The following ORC2 variants were observed in gnomAD, a reference collection of about 807,000 sequenced individuals.
ORC2 encodes origin recognition complex subunit 2, also known as origin recognition complex protein 2 homolog.
In ORC2, 37 loss-of-function variants were observed where a neutral mutation model predicts 77.7. That is an observed-to-expected ratio of 0.48 (90% CI 0.37 to 0.63). The LOEUF is 0.63. Among genes scored for constraint, ORC2 ranks in the 20% least tolerant of loss-of-function variants. The pLI is 0.00. For synonymous variants in ORC2, 201 were observed against 229.5 expected (o/e 0.88, Z 1.12); for missense variants, 557 against 661.9 (o/e 0.84, Z 1.74).
intron 5 of ORC2, among the ~76,000 whole-genome samples, chr2:200,943,534 G>C (rs2041192873): frequency 2.6e-5 from 4 of 152,126 alleles, no homozygotes; most frequent in Admixed American, 2.6e-4. Context: ...CCTTTTCCAA[G>C]TTAACTCTCA....
intron 3 of ORC2, 97 bp from the exon 4 acceptor site, chr2:200,957,641 T>A: frequency 2.1e-6 from 2 of 942,940 alleles, no homozygotes; most frequent in Non-Finnish European, 2.9e-6. Flanking sequence ...TTGTCATTAC[T>A]TAAAAGCTGG....
At position 200,925,821 on chromosome 2, in the gene ORC2, T is replaced by C; in HGVS notation, c.1147+15A>G. 1 of 1,273,110 alleles carries C rather than the reference T, an allele frequency of 7.9e-7. No individual in the cohort carries two copies. Among genetic ancestry groups the C allele is most frequent in the Admixed American group, 1.8e-5 (1 of 56,910 alleles). The allele number at this position is 1,273,110 out of a possible 1,614,324, so 78.9% of individuals were successfully genotyped here. On this transcript the variant is annotated intron_variant, in intron 13 of 17. Transcript: ENST00000234296. ...AACTTTACTCTAAAACTACCGAGCA[T>C]CTACTTCATGTTACCTTCTTTAAAT...
At chr2:200,947,404 C>G (rs2041269697) in intron 5 of ORC2, among the ~76,000 whole-genome samples, 2 of 152,168 alleles carry the variant, frequency 1.3e-5, no homozygotes, top group Admixed American at 6.5e-5. Context: ...TATTCCTCAT[C>G]AGTGTCAACA....
chr2:200,917,523 AT>A (rs1211281937), intron 15 of ORC2, among the ~76,000 whole-genome samples: 1 of 152,214 alleles, frequency 6.6e-6, no homozygotes, highest in Admixed American at 6.6e-5. Flanking sequence ...TAAAATTAGC[AT>A]TTGAGGGTTA....
intron 11 of ORC2, among the ~76,000 whole-genome samples, chr2:200,929,595 G>A (rs1412738317): frequency 6.6e-6 from 1 of 151,928 alleles, no homozygotes; most frequent in Non-Finnish European, 1.5e-5. Context: ...TTTGAGACCA[G>A]CCTAGGCAAG....
intron 1 of ORC2, among the ~76,000 whole-genome samples, chr2:200,962,332 T>A (rs565423365): frequency 2.0e-5 from 3 of 152,342 alleles, no homozygotes; most frequent in Non-Finnish European, 4.4e-5. Context: ...AGTGTTAGCA[T>A]TGCACCAAGT....
chr2:200,911,098 C>G lies in ORC2; in HGVS notation c.*203G>C. ...TGAATGAAAGGCACATTTTCTCCAA[C>G]TTGAGGACCGCTGCATAGTACTAGA... is the stretch of plus-strand genomic sequence containing the variant. On this transcript the variant is annotated 3_prime_UTR_variant, in exon 18 of 18. Transcript: ENST00000234296. 1 of 440,248 alleles carries G rather than the reference C, an allele frequency of 2.3e-6. No homozygotes were observed. Among genetic ancestry groups the G allele is most frequent in the South Asian group, 4.5e-5 (1 of 22,108 alleles). The allele number at this position is 440,248 out of a possible 1,614,324, so 27.3% of individuals were successfully genotyped here.
chr2:200,926,210 T>C (rs1372267711), intron 12 of ORC2, among the ~76,000 whole-genome samples: 4 of 151,968 alleles, frequency 2.6e-5, no homozygotes, highest in Non-Finnish European at 5.9e-5. Context: ...CCCAAGAACA[T>C]GAGAAACATT....
At chr2:200,929,067 T>G (rs1184802233) in intron 11 of ORC2, among the ~76,000 whole-genome samples, 2 of 152,030 alleles carry the variant, frequency 1.3e-5, no homozygotes. Flanking sequence ...TTCTCCTGCC[T>G]CACCCTCCCA....
intron 16 of ORC2, 150 bp from the exon 17 acceptor site, chr2:200,913,563 CAAGT>C (rs2040588080): frequency 1.5e-6 from 2 of 1,339,924 alleles, no homozygotes; most frequent in Non-Finnish European, 1.9e-6. Flanking sequence ...AAAGAAGGAA[CAAGT>C]AAGTCATGAG....
chr2:200,952,038 T>C (rs1408821589), intron 4 of ORC2, among the ~76,000 whole-genome samples: 1 of 151,904 alleles, frequency 6.6e-6, no homozygotes, highest in Non-Finnish European at 1.5e-5. Flanking sequence ...TAAAGGGAGG[T>C]AGAGGGCCTT....
intron 10 of ORC2, among the ~76,000 whole-genome samples, chr2:200,932,829 C>T (rs1349467226): frequency 6.6e-6 from 1 of 152,136 alleles, no homozygotes; most frequent in Non-Finnish European, 1.5e-5. Flanking sequence ...CCTGCTGGTC[C>T]AACGAGGAAA....
In ORC2 at chr2:200,924,670, A is replaced by G. The variant is rs139963465; in HGVS notation, c.1147+1166T>C. 5.7e-3 allele frequency among the ~76,000 whole-genome samples: 870 copies of G among 152,354 alleles called. 4 individuals are homozygous for G. The highest frequency in any genetic ancestry group is 7.0e-3 in the Non-Finnish European group (479 of 68,040). ...ATTTTCTGACATACTCACATAACCA[A>G]AACATTCACACCAAAAGAATCAAGA... is the stretch of plus-strand genomic sequence containing the variant. On this transcript the variant is annotated intron_variant, in intron 13 of 17. Transcript: ENST00000234296.
intron 13 of ORC2, among the ~76,000 whole-genome samples, chr2:200,921,987 TAGATTGGAG>T (rs1324016690): frequency 6.6e-6 from 1 of 151,846 alleles, no homozygotes; most frequent in Non-Finnish European, 1.5e-5. Flanking sequence ...ATGTATACAA[TAGATTGGAG>T]GTGAATCTGT....
At position 200,911,840 on chromosome 2, in the gene ORC2, T is replaced by C. The variant is rs1207257336; in HGVS notation, c.1648-453A>G. Among the ~76,000 whole-genome samples the C allele has an allele frequency of 2.6e-5, 4 of 152,330 alleles. No individual in the cohort carries two copies. In the South Asian group the frequency reaches 6.2e-4, roughly 24 times the overall value. On this transcript the variant is annotated intron_variant, in intron 17 of 17. Transcript: ENST00000234296. ...TTATCTCTGCACTTCTCCAAGCAAG[T>C]TGGCTATGATGGCAGTCTCCATTTC...
intron 5 of ORC2, among the ~76,000 whole-genome samples, chr2:200,946,534 T>C (rs1330994962): frequency 6.6e-6 from 1 of 152,222 alleles, no homozygotes; most frequent in African/African-American, 2.4e-5. Flanking sequence ...GAAATATCTA[T>C]AAAACTATCT....
In ORC2 at chr2:200,958,073, C is replaced by T. The variant is rs1048085288; in HGVS notation, c.51G>A (p.Val17=). 6.2e-7 allele frequency: 1 copy of T among 1,612,288 alleles called. No homozygotes were observed. The change falls in exon 3 of 18, where the codon GTG becomes GTA. Residue 17 remains valine (V), a synonymous_variant. Coordinates refer to ENST00000234296, the MANE Select transcript of ORC2 (RefSeq NM_006190.5). Reference sequence around the variant, plus strand: ...TGTGATTAAGAACATCATCATCTCCCACAAAGTGAACCTCCAGCATCTTGT... The same window carrying T: ...TGTGATTAAGAACATCATCATCTCCTACAAAGTGAACCTCCAGCATCTTGT... ...KEDKMLEVHF[V]GDDDVLNHIL...
rs534142865 is a variant in ORC2 at position 200,942,695 on chromosome 2, T to C, written c.411A>G (p.Gln137=). 7.3e-5 allele frequency: 116 copies of C among 1,597,714 alleles called. No individual in the cohort carries two copies. The highest frequency in any genetic ancestry group is 9.8e-5 in the Non-Finnish European group (115 of 1,168,948). ...AATGTAATGTCTTACCCTTGCTACT[T>C]TGAGGAACGTTTATCGTAATCTCAG... ...NDPEITINVP[Q]SSKGHSASDK... is the part of the protein sequence containing the mutation. The change falls in exon 6 of 18, where the codon CAA becomes CAG. Residue 137 remains glutamine (Q), a synonymous_variant. Transcript: ENST00000234296.
chr2:200,938,676 C>CA (rs2041093898), intron 7 of ORC2, among the ~76,000 whole-genome samples: 1 of 151,960 alleles, frequency 6.6e-6, no homozygotes, highest in Non-Finnish European at 1.5e-5. Flanking sequence ...GACAATATGA[C>CA]AAAAAAATTT....
Sources: gnomAD v4.1 joint callset for allele counts (sites outside exome capture counted in the v4.1 genomes callset) on GRCh38, gnomAD v4.1.1 for gene constraint, MANE v1.5 for transcripts, NCBI Gene and HGNC (gene_info 2026-07-23, HGNC 2026-07-21) for gene names.